CCSER1: variants seen among roughly 807,000 people sequenced by gnomAD.
CCSER1 encodes the protein coiled-coil serine rich protein 1.
In CCSER1, 41 loss-of-function variants were observed where a neutral mutation model predicts 82.0. That is an observed-to-expected ratio of 0.50 (90% CI 0.39 to 0.65). CCSER1 has a LOEUF of 0.65. CCSER1 is among the 30% of genes least tolerant of loss of function. The probability of loss-of-function intolerance (pLI) is 0.00; values close to 1 mark genes in which losing one functional copy is unlikely to be tolerated. For synonymous variants in CCSER1, 414 were observed against 383.9 expected (o/e 1.08, Z -0.92); for missense variants, 1,119 against 1,064.2 (o/e 1.05, Z -0.72).
At chr4:90,984,883 A>G (rs1277018084) in intron 9 of CCSER1, among the ~76,000 whole-genome samples, 1 of 151,822 alleles carries the variant, frequency 6.6e-6, no homozygotes, top group Admixed American at 6.6e-5. Context: ...GTCGTTTACC[A>G]AAATATCCCT....
At chr4:90,295,369 A>T (rs1366320895) in intron 1 of CCSER1, among the ~76,000 whole-genome samples, 1 of 152,058 alleles carries the variant, frequency 6.6e-6, no homozygotes, top group Non-Finnish European at 1.5e-5. Context: ...TAAATGAAAA[A>T]TATTGTATTT....
chr4:91,423,512 A>G (rs181041238), intron 10 of CCSER1, among the ~76,000 whole-genome samples: 1 of 152,270 alleles, frequency 6.6e-6, no homozygotes, highest in Admixed American at 6.5e-5. Flanking sequence ...TTTGCTTAGC[A>G]AAAATAGGTG....
chr4:90,804,309 T>C (rs1757225181), intron 7 of CCSER1, among the ~76,000 whole-genome samples: 1 of 152,202 alleles, frequency 6.6e-6, no homozygotes, highest in Non-Finnish European at 1.5e-5. Flanking sequence ...TTGAATGGTA[T>C]TGCCCAAGTT....
At chr4:91,223,597 A>G (rs1340305616) in intron 10 of CCSER1, among the ~76,000 whole-genome samples, 1 of 152,092 alleles carries the variant, frequency 6.6e-6, no homozygotes, top group Non-Finnish European at 1.5e-5. Flanking sequence ...TTGCAAGGTG[A>G]AAAAATAGTT....
intron 10 of CCSER1, among the ~76,000 whole-genome samples, chr4:91,395,833 T>A (rs1264303068): frequency 6.6e-6 from 1 of 152,090 alleles, no homozygotes; most frequent in Non-Finnish European, 1.5e-5. Flanking sequence ...GGCTCAAGAC[T>A]ATGCCTCAAG....
At chr4:91,587,564 T>C (rs1434719117) in intron 10 of CCSER1, among the ~76,000 whole-genome samples, 1 of 151,832 alleles carries the variant, frequency 6.6e-6, no homozygotes, top group Non-Finnish European at 1.5e-5. Context: ...AGAATTTTTC[T>C]ATTTATCCAT....
chr4:91,096,797 A>G (rs1332688146), intron 10 of CCSER1, among the ~76,000 whole-genome samples: 1 of 152,160 alleles, frequency 6.6e-6, no homozygotes, highest in Non-Finnish European at 1.5e-5. Context: ...CACACTCACC[A>G]CAAAACAAAG....
intron 3 of CCSER1, among the ~76,000 whole-genome samples, chr4:90,329,092 A>G (rs531885028): frequency 6.6e-6 from 1 of 152,312 alleles, no homozygotes; most frequent in Admixed American, 6.5e-5. Context: ...CTGAAATAAA[A>G]GTGCATTGTT....
intron 10 of CCSER1, among the ~76,000 whole-genome samples, chr4:91,367,785 A>G (rs1167889557): frequency 2.6e-5 from 4 of 152,112 alleles, no homozygotes; most frequent in South Asian, 2.1e-4. Context: ...TCACATGCCA[A>G]CCAGCCATCC....
At chr4:90,656,380 TG>T (rs1423662043) in intron 6 of CCSER1, among the ~76,000 whole-genome samples, 4 of 151,814 alleles carry the variant, frequency 2.6e-5, no homozygotes, top group Admixed American at 2.0e-4. Context: ...TATTATTGGA[TG>T]TATTAGCCCT....
chr4:90,428,885 GAT>G (rs924547275), intron 4 of CCSER1, among the ~76,000 whole-genome samples: 1 of 151,844 alleles, frequency 6.6e-6, no homozygotes, highest in African/African-American at 2.4e-5. Flanking sequence ...AGCCTAAGGA[GAT>G]ATGACAACTG....
At chr4:90,854,605 T>A (rs1249125075) in intron 8 of CCSER1, among the ~76,000 whole-genome samples, 5 of 152,164 alleles carry the variant, frequency 3.3e-5, no homozygotes, top group Non-Finnish European at 5.9e-5. Flanking sequence ...TACTCCACTT[T>A]TCCATCCTCC....
intron 6 of CCSER1, among the ~76,000 whole-genome samples, chr4:90,661,242 G>A (rs1440295479): frequency 1.3e-5 from 2 of 152,112 alleles, no homozygotes. Flanking sequence ...TTATTCTGTA[G>A]TTTTTAAAAC....
chr4:91,584,550 C>T (rs1763895213), intron 10 of CCSER1, among the ~76,000 whole-genome samples: 1 of 151,394 alleles, frequency 6.6e-6, no homozygotes, highest in Admixed American at 6.6e-5. Context: ...ACAGTATTAA[C>T]CTCAAAATGT....
intron 6 of CCSER1, among the ~76,000 whole-genome samples, chr4:90,675,493 G>A (rs1347687216): frequency 6.6e-6 from 1 of 151,802 alleles, no homozygotes; most frequent in African/African-American, 2.4e-5. Flanking sequence ...TTTTAAGTAT[G>A]TTGAACTCAA....
intron 9 of CCSER1, among the ~76,000 whole-genome samples, chr4:91,029,632 A>G (rs1581377525): frequency 1.3e-5 from 2 of 152,050 alleles, no homozygotes; most frequent in African/African-American, 4.8e-5. Context: ...TAATAATTAT[A>G]AAGGTCAGAG....
intron 5 of CCSER1, among the ~76,000 whole-genome samples, chr4:90,525,665 A>G (rs1773669372): frequency 6.6e-6 from 1 of 151,948 alleles, no homozygotes; most frequent in South Asian, 2.1e-4. Flanking sequence ...TCTGTCTTTT[A>G]ATGATTAAAT....
At chr4:90,477,138 G>T (rs1302492788) in intron 5 of CCSER1, among the ~76,000 whole-genome samples, 1 of 152,158 alleles carries the variant, frequency 6.6e-6, no homozygotes, top group African/African-American at 2.4e-5. Flanking sequence ...TATTTTATTT[G>T]AATGTGTTCT....
At chr4:91,467,055 C>G (rs1203988784) in intron 10 of CCSER1, among the ~76,000 whole-genome samples, 11 of 152,140 alleles carry the variant, frequency 7.2e-5, no homozygotes, top group African/African-American at 2.7e-4. Context: ...CAAGACAATC[C>G]TAAGCCAAAA....
Sources: allele counts gnomAD v4.1 joint callset (sites outside exome capture counted in the v4.1 genomes callset), GRCh38; gene constraint gnomAD v4.1.1; transcripts MANE v1.5; gene names NCBI Gene and HGNC (gene_info 2026-07-23, HGNC 2026-07-21).